The following KCNH8 variants were observed in gnomAD, a reference collection of about 807,000 sequenced individuals.
KCNH8 encodes the protein potassium voltage-gated channel subfamily H member 8.
Under a neutral mutation model 103.6 loss-of-function variants are expected in KCNH8, and 70 were observed. The observed-to-expected ratio is 0.68, with a 90% CI of 0.56 to 0.82. The LOEUF is 0.82. Among genes scored for constraint, KCNH8 ranks in the 40% least tolerant of loss-of-function variants. The pLI is 0.00. For missense variants in KCNH8, 1,217 were observed against 1,329.9 expected, an observed-to-expected ratio of 0.92 and a Z score of 1.32; for synonymous variants, 498 against 489.4, an observed-to-expected ratio of 1.02 and a Z score of -0.23.
At position 19,319,242 on chromosome 3, in the gene KCNH8, G is replaced by A. The variant is rs185158433; in HGVS notation, c.443-23345G>A. On this transcript the variant is annotated intron_variant, in intron 3 of 15. Transcript: ENST00000328405. Reference sequence around the variant, plus strand: ...TCTTGGTCATGAAGTCTTTGCCTAAGCCAATGTCTAGAAGAGTTTTTCTGG... The same window carrying A: ...TCTTGGTCATGAAGTCTTTGCCTAAACCAATGTCTAGAAGAGTTTTTCTGG... 3.4e-3 allele frequency among the ~76,000 whole-genome samples: 516 copies of A among 152,100 alleles called. 1 individual carries two copies. Among genetic ancestry groups the A allele is most frequent in the African/African-American group, 0.012 (486 of 41,524 alleles).
At chr3:19,528,354 G>A (rs1212346404) in intron 15 of KCNH8, among the ~76,000 whole-genome samples, 6 of 151,970 alleles carry the variant, frequency 3.9e-5, no homozygotes, top group African/African-American at 1.2e-4. Flanking sequence ...GTCATTGGGG[G>A]AAATTTCCCA....
intron 1 of KCNH8, among the ~76,000 whole-genome samples, chr3:19,250,251 A>C (rs2064259008): frequency 6.6e-6 from 1 of 152,136 alleles, no homozygotes; most frequent in Non-Finnish European, 1.5e-5. Context: ...TCTTTCAAAA[A>C]AAGAAAAAAA....
At chr3:19,376,923 G>C (rs979904036) in intron 5 of KCNH8, among the ~76,000 whole-genome samples, 1 of 152,136 alleles carries the variant, frequency 6.6e-6, no homozygotes, top group Non-Finnish European at 1.5e-5. Context: ...GACATAAAAA[G>C]GTCATTCGAT....
chr3:19,513,326 G>GT lies in KCNH8; in HGVS notation c.2435+2dup, dbSNP rs2068819528. On this transcript the variant is annotated splice_donor_variant, in intron 13 of 15. Transcript: ENST00000328405. LOFTEE classifies it high-confidence loss of function. ...CTGGACCCCCAGACCTCAGTCCAAG[G>GT]TAAGAGTTCATATCATATAACTTTC... 1.3e-6 allele frequency: 2 copies of GT among 1,584,044 alleles called. No homozygotes were observed. Among genetic ancestry groups the GT allele is most frequent in the South Asian group, 1.2e-5 (1 of 85,714 alleles).
intron 1 of KCNH8, among the ~76,000 whole-genome samples, chr3:19,234,623 G>T (rs2064039535): frequency 6.6e-6 from 1 of 152,210 alleles, no homozygotes; most frequent in Non-Finnish European, 1.5e-5. Flanking sequence ...GCGCTTCTCC[G>T]AGCTCCACAC....
At chr3:19,313,484 A>AT (rs1373961900) in intron 3 of KCNH8, among the ~76,000 whole-genome samples, 1 of 151,956 alleles carries the variant, frequency 6.6e-6, no homozygotes, top group African/African-American at 2.4e-5. Flanking sequence ...TAATCACACT[A>AT]TATGACACAA....
At chr3:19,519,165 C>A (rs1039895311) in intron 15 of KCNH8, among the ~76,000 whole-genome samples, 2 of 151,802 alleles carry the variant, frequency 1.3e-5, no homozygotes, top group Admixed American at 6.6e-5. Context: ...ATTGCTCAGG[C>A]GAGAATATGC....
chr3:19,522,350 G>C (rs2068986525), intron 15 of KCNH8, among the ~76,000 whole-genome samples: 1 of 151,666 alleles, frequency 6.6e-6, no homozygotes, highest in Non-Finnish European at 1.5e-5. Context: ...CATTTCGAAA[G>C]CCAAAAGGCT....
chr3:19,372,670 G>A (rs2066119543), intron 5 of KCNH8, among the ~76,000 whole-genome samples: 1 of 152,140 alleles, frequency 6.6e-6, no homozygotes, highest in African/African-American at 2.4e-5. Context: ...TGGTGAGAGA[G>A]GGCATCCCTG....
chr3:19,207,744 C>A (rs369363543), intron 1 of KCNH8, among the ~76,000 whole-genome samples: 1 of 151,894 alleles, frequency 6.6e-6, no homozygotes, highest in Non-Finnish European at 1.5e-5. Context: ...TAATTGGACT[C>A]ATTTAATTTA....
chr3:19,264,595 C>T (rs541528765), intron 2 of KCNH8, among the ~76,000 whole-genome samples: 1 of 152,032 alleles, frequency 6.6e-6, no homozygotes, highest in African/African-American at 2.4e-5. Flanking sequence ...TTAGCTTTTT[C>T]GGCTTAGATT....
intron 1 of KCNH8, among the ~76,000 whole-genome samples, chr3:19,218,694 G>C (rs1477880059): frequency 6.6e-6 from 1 of 152,196 alleles, no homozygotes; most frequent in African/African-American, 2.4e-5. Context: ...TTGTCTCATG[G>C]TTCCAGAAGC....
At chr3:19,396,274 C>G (rs2066516655) in intron 7 of KCNH8, among the ~76,000 whole-genome samples, 1 of 152,008 alleles carries the variant, frequency 6.6e-6, no homozygotes, top group Non-Finnish European at 1.5e-5. Context: ...TTCATACCAG[C>G]ACTTAATGGC....
intron 3 of KCNH8, among the ~76,000 whole-genome samples, chr3:19,333,512 G>A (rs2065539770): frequency 6.6e-6 from 1 of 152,144 alleles, no homozygotes; most frequent in Admixed American, 6.5e-5. Flanking sequence ...CAGGTTTGGA[G>A]TGCTTCCCCT....
rs755977032 is a variant in KCNH8 at position 19,288,225 on chromosome 3, G to GTTTA, written c.442+6904_442+6907dup. Reference sequence around the variant, plus strand: ...TTTTTTTTTTTTAGTATTAAAGCTAGTTTATTTATTTTTTTAATTATACTT... The same window carrying GTTTA: ...TTTTTTTTTTTTAGTATTAAAGCTAGTTTATTTATTTATTTTTTTAATTATACTT... On this transcript the variant is annotated intron_variant, in intron 3 of 15. Coordinates refer to ENST00000328405, the MANE Select transcript of KCNH8 (RefSeq NM_144633.3). Among the ~76,000 whole-genome samples, 382 of 48,934 alleles carry GTTTA rather than the reference G, an allele frequency of 7.8e-3. 7 individuals are homozygous for GTTTA. Among genetic ancestry groups the GTTTA allele is most frequent in the African/African-American group, 0.028 (350 of 12,330 alleles). 32.1% of individuals were successfully genotyped at this position (48,934 alleles called of 152,430 possible). A position where few individuals can be genotyped will look rare whatever the true frequency, so the allele number is the denominator to read the frequency against.
At chr3:19,292,505 A>G (rs1227149788) in intron 3 of KCNH8, among the ~76,000 whole-genome samples, 1 of 152,192 alleles carries the variant, frequency 6.6e-6, no homozygotes, top group African/African-American at 2.4e-5. Context: ...ATAAACAGCT[A>G]TTCTAAACAA....
intron 4 of KCNH8, among the ~76,000 whole-genome samples, chr3:19,343,102 T>C (rs540953859): frequency 6.6e-6 from 1 of 152,242 alleles, no homozygotes; most frequent in South Asian, 2.1e-4. Context: ...CTGTTTTGCA[T>C]ATTATCTAGT....
intron 11 of KCNH8, among the ~76,000 whole-genome samples, chr3:19,485,774 C>T (rs1395944328): frequency 6.6e-6 from 1 of 152,224 alleles, no homozygotes; most frequent in South Asian, 2.1e-4. Flanking sequence ...CCTAGGGCCA[C>T]TGAGGTGGAG....
chr3:19,503,134 T>TTTTTGG (rs1474683992), intron 11 of KCNH8, among the ~76,000 whole-genome samples: 49 of 150,928 alleles, frequency 3.2e-4, no homozygotes, highest in African/African-American at 1.1e-3. Flanking sequence ...AACAGACACT[T>TTTTTGG]CTCAAAAGAA....
Sources: allele counts gnomAD v4.1 joint callset (sites outside exome capture counted in the v4.1 genomes callset), GRCh38; gene constraint gnomAD v4.1.1; transcripts MANE v1.5; gene names NCBI Gene and HGNC (gene_info 2026-07-23, HGNC 2026-07-21).